The following ANO1 variants were observed in gnomAD, a reference collection of about 807,000 sequenced individuals.
ANO1 encodes the protein anoctamin 1, also known as anoctamin-1.
ANO1 carries 59 observed loss-of-function variants against 124.0 expected under a neutral mutation model. That is an observed-to-expected ratio of 0.48 (90% CI 0.39 to 0.59). The LOEUF (loss-of-function observed/expected upper bound fraction) is 0.59. Among genes scored for constraint, ANO1 ranks in the 20% least tolerant of loss-of-function variants. ANO1 has a pLI of 0.00. For missense variants in ANO1, 1,059 were observed against 1,328.0 expected, an observed-to-expected ratio of 0.80 and a Z score of 3.15; for synonymous variants, 529 against 532.0, an observed-to-expected ratio of 0.99 and a Z score of 0.08.
chr11:69,976,077 T>G, the ANO1 span, among the ~76,000 whole-genome samples: 1 of 152,152 alleles, frequency 6.6e-6, no homozygotes, highest in East Asian at 1.9e-4. Context: ...CTGGGCCGTG[T>G]CTCTGTAAAT....
In ANO1 at chr11:70,111,750, C is replaced by T. The variant is rs555384884; in HGVS notation, c.843C>T (p.Tyr281=). The part of the protein sequence containing the change: ...LLANGVYAAA[Y]PLHDGDYNGE... ...CCAATGGTGTGTACGCGGCTGCATA[C>T]CCACTGCACGATGTAAGTAACCTTG... The change falls in exon 7 of 26, where the codon TAC becomes TAT. Residue 281 remains tyrosine, a synonymous_variant. Coordinates refer to ENST00000355303, the MANE Select transcript of ANO1 (RefSeq NM_018043.7). The T allele has an allele frequency of 1.2e-6, 2 of 1,614,016 alleles. No individual in the cohort carries two copies. Among genetic ancestry groups the T allele is most frequent in the Admixed American group, 1.7e-5 (1 of 60,026 alleles).
In ANO1 at chr11:70,103,282, G is replaced by A. The variant is rs574355838; in HGVS notation, c.540+118G>A. On this transcript the variant is annotated intron_variant, in intron 3 of 25. Coordinates refer to ENST00000355303, the MANE Select transcript of ANO1 (RefSeq NM_018043.7). ...AGTTTTATAAAAAAAAAACCCAGTG[G>A]GCTTCACGGCTACCCCTGCAAAGAC... is the stretch of plus-strand genomic sequence containing the variant. The A allele has an allele frequency of 8.1e-4, 613 of 757,040 alleles. No individual in the cohort carries two copies. The highest frequency in any genetic ancestry group is 3.9e-3 in the Middle Eastern group (11 of 2,828). The allele number at this position is 757,040 out of a possible 1,614,324, so 46.9% of individuals were successfully genotyped here.
At chr11:69,995,636 C>T (rs1554998263) in intron 1 of ANO1, among the ~76,000 whole-genome samples, 1 of 152,120 alleles carries the variant, frequency 6.6e-6, no homozygotes, top group Admixed American at 6.6e-5. Flanking sequence ...GAACTTTCTT[C>T]TCATTATTCA....
chr11:70,099,585 G>A (rs2045175313), intron 2 of ANO1, among the ~76,000 whole-genome samples: 1 of 152,162 alleles, frequency 6.6e-6, no homozygotes, highest in Non-Finnish European at 1.5e-5. Context: ...CATGAAGTCA[G>A]TGCTGTTCCT....
In ANO1 at chr11:70,104,094, C is replaced by T. The variant is rs2045390875; in HGVS notation, c.636C>T (p.His212=). The T allele has an allele frequency of 3.7e-6, 6 of 1,613,126 alleles. No individual in the cohort carries two copies. The highest frequency in any genetic ancestry group is 5.1e-6 in the Non-Finnish European group (6 of 1,179,640). The part of the protein sequence containing the change: ...TDPIQPKVAE[H]RPQTMKRLSY... Reference sequence around the variant, plus strand: ...CCATCCAGCCCAAAGTGGCTGAGCACAGGCCCCAGACCATGAAGAGACTCT... The same window carrying T: ...CCATCCAGCCCAAAGTGGCTGAGCATAGGCCCCAGACCATGAAGAGACTCT... Residue 212 remains histidine (H), a synonymous_variant, in exon 4 of 26, where the codon CAC becomes CAT. Coordinates refer to ENST00000355303, the MANE Select transcript of ANO1 (RefSeq NM_018043.7).
At chr11:70,088,537 A>G (rs1485375019) in intron 2 of ANO1, among the ~76,000 whole-genome samples, 3 of 150,208 alleles carry the variant, frequency 2.0e-5, no homozygotes, top group Non-Finnish European at 3.0e-5. Flanking sequence ...AAGAAGAAGA[A>G]GACAGGGCAG....
At chr11:70,118,576 A>AGATGGATGGATGGATGGATAGATG in intron 8 of ANO1, among the ~76,000 whole-genome samples, 1 of 138,260 alleles carries the variant, frequency 7.2e-6, no homozygotes, top group South Asian at 2.5e-4. Flanking sequence ...ATGGATGGAT[A>AGATGGATGGATGGATGGATAGATG]GATGGATGGA....
chr11:69,968,845 C>T, the ANO1 span, among the ~76,000 whole-genome samples: 12 of 152,340 alleles, frequency 7.9e-5, no homozygotes, highest in East Asian at 1.4e-3. Flanking sequence ...ACACAGCCCG[C>T]GGACTTTGGA....
chr11:69,977,200 C>T, the ANO1 span, among the ~76,000 whole-genome samples: 1 of 152,160 alleles, frequency 6.6e-6, no homozygotes, highest in African/African-American at 2.4e-5. Context: ...AGTTGTCATA[C>T]CAACCCTGGC....
chr11:70,043,633 A>G (rs144540030), intron 1 of ANO1, among the ~76,000 whole-genome samples: 13 of 152,298 alleles, frequency 8.5e-5, no homozygotes, highest in African/African-American at 2.6e-4. Context: ...GCTTCTCATC[A>G]AAGTATATGC....
chr11:70,172,865 C>CAA (rs59435571), intron 22 of ANO1, among the ~76,000 whole-genome samples: 2 of 140,016 alleles, frequency 1.4e-5, no homozygotes, highest in Non-Finnish European at 1.6e-5. Flanking sequence ...GACTCCATCT[C>CAA]AAAAAAAAAA....
chr11:70,023,950 C>G (rs1202367456), intron 1 of ANO1, among the ~76,000 whole-genome samples: 2 of 152,244 alleles, frequency 1.3e-5, no homozygotes, highest in Non-Finnish European at 2.9e-5. Context: ...CCTACCAATA[C>G]TATCCAGGAT....
intron 22 of ANO1, 142 bp downstream of exon 22, chr11:70,171,181 C>A: frequency 8.1e-7 from 1 of 1,237,902 alleles, no homozygotes; most frequent in Non-Finnish European, 1.1e-6. Context: ...CCGGGTGGAG[C>A]CTGGGGGCAG....
At chr11:70,117,822 G>A (rs921590663) in intron 8 of ANO1, among the ~76,000 whole-genome samples, 13 of 152,124 alleles carry the variant, frequency 8.5e-5, no homozygotes, top group African/African-American at 2.9e-4. Flanking sequence ...TCCCCCACAG[G>A]CCCCCATACA....
At chr11:70,126,501 G>A (rs1185621458) in intron 10 of ANO1, among the ~76,000 whole-genome samples, 1 of 152,222 alleles carries the variant, frequency 6.6e-6, no homozygotes, top group Non-Finnish European at 1.5e-5. Context: ...TTTCACTGTT[G>A]GTCATTAGTG....
At chr11:70,144,302 C>G (rs1359702587) in intron 11 of ANO1, among the ~76,000 whole-genome samples, 4 of 152,180 alleles carry the variant, frequency 2.6e-5, no homozygotes, top group African/African-American at 7.2e-5. Flanking sequence ...GATGCGGGCC[C>G]TGCCCTGAGC....
chr11:70,124,553 C>T, intron 9 of ANO1, 139 bp downstream of exon 9: 1 of 809,762 alleles, frequency 1.2e-6, no homozygotes, highest in Non-Finnish European at 2.0e-6. Context: ...TAGGAAGACC[C>T]AAAATGTCCC....
At chr11:70,056,830 CTT>C (rs200523204) in intron 1 of ANO1, among the ~76,000 whole-genome samples, 65,188 of 140,152 alleles carry the variant, frequency 0.47, 15,437 homozygotes, top group East Asian at 0.67. Context: ...TGTTTTACAT[CTT>C]TTTTTTTTTT....
At position 70,156,967 on chromosome 11, in the gene ANO1, A is replaced by C. The variant is rs1218348274; in HGVS notation, c.1524A>C (p.Thr508=). ...TGTAGACTGACAAAGTGAAGCTGAC[A>C]TGGAGAGATCGGTTCCCAGCCTACC... ...GVKLTDKVKL[T]WRDRFPAYLT... is the part of the protein sequence containing the mutation. The change falls in exon 16 of 26, where the codon ACA becomes ACC. Residue 508 remains threonine, a synonymous_variant. Transcript: ENST00000355303. 1.2e-6 allele frequency: 2 copies of C among 1,613,750 alleles called. No homozygotes were observed. Among genetic ancestry groups the C allele is most frequent in the Admixed American group, 3.3e-5 (2 of 59,994 alleles).
Sources: gnomAD v4.1 joint callset for allele counts (sites outside exome capture counted in the v4.1 genomes callset) on GRCh38, gnomAD v4.1.1 for gene constraint, MANE v1.5 for transcripts, NCBI Gene and HGNC (gene_info 2026-07-23, HGNC 2026-07-21) for gene names.